Variants in ST8SIA5 observed in about 807,000 individuals in gnomAD.
ST8SIA5 encodes alpha-2,8-sialyltransferase 8E.
In ST8SIA5, 24 loss-of-function variants were observed where a neutral mutation model predicts 40.2. The observed-to-expected ratio is 0.60, with a 90% CI of 0.43 to 0.84. The LOEUF (loss-of-function observed/expected upper bound fraction) is 0.84, where lower values mean the gene tolerates loss of function less well. Among genes scored for constraint, ST8SIA5 ranks in the 40% least tolerant of loss-of-function variants. The pLI, the probability that ST8SIA5 is intolerant of heterozygous loss-of-function variation, is 0.00. For synonymous variants in ST8SIA5, 198 were observed against 201.8 expected, an observed-to-expected ratio of 0.98 and a Z score of 0.16; for missense variants, 465 against 498.5, an observed-to-expected ratio of 0.93 and a Z score of 0.64.
intron 1 of ST8SIA5, among the ~76,000 whole-genome samples, chr18:46,724,604 G>A (rs2039895762): frequency 6.6e-6 from 1 of 152,210 alleles, no homozygotes; most frequent in Non-Finnish European, 1.5e-5. Flanking sequence ...TCAGAAGAGA[G>A]ACACTTTGAG....
intron 1 of ST8SIA5, among the ~76,000 whole-genome samples, chr18:46,712,459 T>C (rs1599124226): frequency 6.6e-6 from 1 of 152,226 alleles, no homozygotes; most frequent in African/African-American, 2.4e-5. Flanking sequence ...CTGTCTGGAA[T>C]ACTCTTTGCT....
intron 6 of ST8SIA5, 54 bp downstream of exon 6, chr18:46,681,918 G>A: frequency 6.3e-7 from 1 of 1,582,916 alleles, no homozygotes; most frequent in Non-Finnish European, 8.6e-7. Flanking sequence ...GTAGCCGCAT[G>A]TGACTATTGG....
intron 1 of ST8SIA5, among the ~76,000 whole-genome samples, chr18:46,744,661 C>G (rs1022180079): frequency 4.6e-5 from 7 of 152,176 alleles, no homozygotes; most frequent in Admixed American, 1.3e-4. Flanking sequence ...ATCAACAAGA[C>G]AGAAGTTTAA....
chr18:46,690,443 C>T (rs975798552), intron 3 of ST8SIA5, among the ~76,000 whole-genome samples: 4 of 152,088 alleles, frequency 2.6e-5, no homozygotes, highest in African/African-American at 4.8e-5. Context: ...ATGTCACTGC[C>T]TTTTCTCACA....
chr18:46,704,505 C>A, intron 2 of ST8SIA5, 67 bp downstream of exon 2: 1 of 1,401,604 alleles, frequency 7.1e-7, no homozygotes, highest in Non-Finnish European at 1.0e-6. Context: ...TGCCCCCACG[C>A]ACTCACCCCC....
intron 1 of ST8SIA5, among the ~76,000 whole-genome samples, chr18:46,720,986 A>G (rs755771992): frequency 6.6e-6 from 1 of 151,798 alleles, no homozygotes; most frequent in Non-Finnish European, 1.5e-5. Context: ...CCCACCTGAC[A>G]CCCGCTTCTT....
rs907987604 is a variant in ST8SIA5, at chr18:46,676,910, T to C, written c.*3132A>G. 6.6e-6 allele frequency: 1 copy of C among 152,156 alleles called. No homozygotes were observed. Among genetic ancestry groups the C allele is most frequent in the African/African-American group, 2.4e-5 (1 of 41,434 alleles). 9.4% of individuals were successfully genotyped at this position (152,156 alleles called of 1,614,324 possible). A position where few individuals can be genotyped will look rare whatever the true frequency, so the allele number is the denominator to read the frequency against. ...CACTGGCTGCAGCAGAAAAACTATA[T>C]CCTGAAAGTCAGGAGACTGGTGAGT... On this transcript the variant is annotated 3_prime_UTR_variant, in exon 7 of 7. Coordinates refer to ENST00000315087, the MANE Select transcript of ST8SIA5 (RefSeq NM_013305.6).
At chr18:46,738,885 A>AGTCTCAG (rs980225754) in intron 1 of ST8SIA5, among the ~76,000 whole-genome samples, 4 of 152,138 alleles carry the variant, frequency 2.6e-5, no homozygotes, top group Non-Finnish European at 4.4e-5. Context: ...CGCATCCTCA[A>AGTCTCAG]GTCTCAGGCC....
chr18:46,751,160 C>T (rs1298195261), intron 1 of ST8SIA5, among the ~76,000 whole-genome samples: 1 of 152,088 alleles, frequency 6.6e-6, no homozygotes, highest in South Asian at 2.1e-4. Flanking sequence ...CCCCAGGAAC[C>T]ACCATTCTAC....
At chr18:46,754,192 G>A (rs2040220411) in intron 1 of ST8SIA5, among the ~76,000 whole-genome samples, 1 of 152,172 alleles carries the variant, frequency 6.6e-6, no homozygotes. Flanking sequence ...GCCAAGTGCT[G>A]CAGTGTAGGT....
intron 1 of ST8SIA5, among the ~76,000 whole-genome samples, chr18:46,709,821 GT>G (rs1280997427): frequency 2.0e-5 from 3 of 152,116 alleles, no homozygotes; most frequent in Non-Finnish European, 4.4e-5. Context: ...ACTTTTCTGT[GT>G]TTTTATAAGT....
At chr18:46,739,684 C>T (rs2040069779) in intron 1 of ST8SIA5, among the ~76,000 whole-genome samples, 1 of 152,104 alleles carries the variant, frequency 6.6e-6, no homozygotes, top group Non-Finnish European at 1.5e-5. Flanking sequence ...ACTGAGAAGC[C>T]CTCTGGGGCA....
At chr18:46,728,592 T>C (rs1209230681) in intron 1 of ST8SIA5, among the ~76,000 whole-genome samples, 2 of 152,236 alleles carry the variant, frequency 1.3e-5, no homozygotes, top group African/African-American at 2.4e-5. Flanking sequence ...ATGTGCTGAC[T>C]GCTCAACCCA....
intron 1 of ST8SIA5, among the ~76,000 whole-genome samples, chr18:46,750,750 C>T (rs954060616): frequency 5.9e-5 from 9 of 152,154 alleles, no homozygotes; most frequent in African/African-American, 2.2e-4. Context: ...GCTTCCAGAG[C>T]CAGCTCTCCT....
intron 1 of ST8SIA5, among the ~76,000 whole-genome samples, chr18:46,731,118 G>A (rs911315295): frequency 3.9e-5 from 6 of 152,228 alleles, no homozygotes; most frequent in Non-Finnish European, 7.3e-5. Context: ...TGCAGGTAGC[G>A]GGCTGTAGCT....
rs763239599 is a variant in ST8SIA5 at position 46,681,958 on chromosome 18, A to G, written c.662+14T>C. On this transcript the variant is annotated intron_variant, in intron 6 of 6. Coordinates refer to ENST00000315087, the MANE Select transcript of ST8SIA5 (RefSeq NM_013305.6). ...CATTTTGGACAGTGCAGCTCTAGAAAGAGGGCCACTGACCTCTCTGTGATG... is the reference window on the plus strand; with the variant it reads ...CATTTTGGACAGTGCAGCTCTAGAAGGAGGGCCACTGACCTCTCTGTGATG... The G allele has an allele frequency of 1.2e-6, 2 of 1,613,344 alleles. No individual in the cohort carries two copies. The highest frequency in any genetic ancestry group is 2.2e-5 in the South Asian group (2 of 90,762).
chr18:46,715,724 C>G (rs1294912381), intron 1 of ST8SIA5, among the ~76,000 whole-genome samples: 2 of 152,032 alleles, frequency 1.3e-5, no homozygotes, highest in Non-Finnish European at 1.5e-5. Flanking sequence ...GGACTACAAG[C>G]ATGCACCACC....
chr18:46,734,380 C>A (rs1026606943), intron 1 of ST8SIA5, among the ~76,000 whole-genome samples: 1 of 151,058 alleles, frequency 6.6e-6, no homozygotes, highest in African/African-American at 2.4e-5. Context: ...AGACCCCCAA[C>A]CCCTAGGCCG....
At chr18:46,744,157 T>C (rs932880429) in intron 1 of ST8SIA5, among the ~76,000 whole-genome samples, 1 of 152,192 alleles carries the variant, frequency 6.6e-6, no homozygotes, top group African/African-American at 2.4e-5. Context: ...CTGCATCAAT[T>C]AACGGGCAAA....
Sources: gnomAD v4.1 joint callset for allele counts (sites outside exome capture counted in the v4.1 genomes callset) on GRCh38, gnomAD v4.1.1 for gene constraint, MANE v1.5 for transcripts, NCBI Gene and HGNC (gene_info 2026-07-23, HGNC 2026-07-21) for gene names.